The following TEX15 variants were observed in gnomAD, a reference collection of about 807,000 sequenced individuals.
TEX15 encodes the protein testis expressed 15, meiosis and synapsis associated, also known as testis-expressed protein 15.
Under a neutral mutation model 237.3 loss-of-function variants are expected in TEX15, and 171 were observed. The observed-to-expected ratio is 0.72, with a 90% confidence interval of 0.64 to 0.82. The LOEUF (loss-of-function observed/expected upper bound fraction) is 0.82. Among genes scored for constraint, TEX15 ranks in the 40% least tolerant of loss-of-function variants. TEX15 has a pLI of 0.00. For missense variants in TEX15, 3,750 were observed against 3,646.5 expected, an observed-to-expected ratio of 1.03 and a Z score of -0.73; for synonymous variants, 1,338 against 1,269.8, an observed-to-expected ratio of 1.05 and a Z score of -1.14.
rs761453699 is a variant in TEX15, at chr8:30,843,262, C to CT, written c.6904dup (p.Arg2302LysfsTer4). 1.2e-6 allele frequency: 2 copies of CT among 1,612,622 alleles called. No homozygotes were observed. Among genetic ancestry groups the CT allele is most frequent in the Non-Finnish European group, 1.7e-6 (2 of 1,179,464 alleles). On this transcript the variant is annotated frameshift_variant, in exon 8 of 11. Transcript: ENST00000643185. LOFTEE classifies it high-confidence loss of function. The stretch of plus-strand genomic sequence containing the variant: ...CTTAGAAAAGGCACATTTATTCACT[C>CT]TGAGTAGCCTTTCTTCGTCCTTCTT...
chr8:30,848,204 G>C lies in TEX15; in HGVS notation c.1963C>G (p.Pro655Ala). Reference sequence around the variant, plus strand: ...TGCAAAACAATGTAATTATCTATTGGACTGATTTTTGTTTCATTAGTGAAA... The same window carrying C: ...TGCAAAACAATGTAATTATCTATTGCACTGATTTTTGTTTCATTAGTGAAA... Reference protein sequence around the residue: ...NDFTNETKISPIDNYIVLHQE... With the variant: ...NDFTNETKISAIDNYIVLHQE... Residue 655 changes from proline (P) to alanine (A), a missense_variant, in exon 8 of 11, where the codon CCA (proline) becomes GCA (alanine). By Grantham distance (27) the Pro-to-Ala change is conservative. Coordinates refer to ENST00000643185, the MANE Select transcript of TEX15 (RefSeq NM_001350162.2). The C allele has an allele frequency of 1.2e-6, 2 of 1,612,100 alleles. No homozygotes were observed. The highest frequency in any genetic ancestry group is 1.7e-6 in the Non-Finnish European group (2 of 1,179,712).
chr8:30,849,895 T>C (rs1179450272), intron 7 of TEX15, among the ~76,000 whole-genome samples: 2 of 151,904 alleles, frequency 1.3e-5, no homozygotes, highest in African/African-American at 4.8e-5. Flanking sequence ...CAAGACTCCA[T>C]CTCGGGGGCT....
intron 3 of TEX15, 69 bp from the exon 4 acceptor site, chr8:30,875,171 T>G: frequency 9.7e-7 from 1 of 1,026,938 alleles, no homozygotes; most frequent in Non-Finnish European, 1.2e-6. Flanking sequence ...CAATGACAAC[T>G]GTATCTCTAA....
Position 30,844,123 on chromosome 8 carries a change from A to C in TEX15, c.6044T>G (p.Ile2015Ser). ...ACAAACCTTAGTTTCTTCCTGTAGA[A>C]TCTGCAAAGATGATGCTTCATCTGC... ...QRADEASSLQ[I>S]LQEETKVCLN... The change falls in exon 8 of 11, where the codon ATT (isoleucine) becomes AGT (serine). Residue 2015 changes from isoleucine to serine, a missense_variant. By Grantham distance (142) the Ile-to-Ser change is moderately radical. Coordinates refer to ENST00000643185, the MANE Select transcript of TEX15 (RefSeq NM_001350162.2). The C allele has an allele frequency of 6.2e-7, 1 of 1,613,372 alleles. No homozygotes were observed. Among genetic ancestry groups the C allele is most frequent in the Non-Finnish European group, 8.5e-7 (1 of 1,179,578 alleles).
In TEX15 at chr8:30,832,394, A is replaced by G. The variant is rs1327917686; in HGVS notation, c.*892T>C. 6.6e-6 allele frequency: 1 copy of G among 152,256 alleles called. No individual in the cohort carries two copies. The highest frequency in any genetic ancestry group is 1.5e-5 in the Non-Finnish European group (1 of 68,040). 9.4% of individuals were successfully genotyped at this position (152,256 alleles called of 1,614,324 possible). On this transcript the variant is annotated 3_prime_UTR_variant, in exon 11 of 11. Coordinates refer to ENST00000643185, the MANE Select transcript of TEX15 (RefSeq NM_001350162.2). The stretch of plus-strand genomic sequence containing the variant: ...TTACAGAAAACAGGAATAGCTGTTG[A>G]GCAAGAAAGGTAATACATGAAAAGA...
intron 6 of TEX15, 82 bp from the exon 7 acceptor site, chr8:30,858,912 A>G (rs1807974801): frequency 3.2e-6 from 3 of 940,688 alleles, no homozygotes; most frequent in Admixed American, 6.6e-5. Context: ...AATCAATATA[A>G]TTGCATATTA....
chr8:30,857,043 A>T (rs2128769990), intron 7 of TEX15, among the ~76,000 whole-genome samples: 1 of 152,328 alleles, frequency 6.6e-6, no homozygotes, highest in Admixed American at 6.5e-5. Flanking sequence ...AGGTATTAGT[A>T]TTTTTAATGA....
chr8:30,835,506 T>C (rs1193713430), intron 10 of TEX15, among the ~76,000 whole-genome samples: 1 of 152,156 alleles, frequency 6.6e-6, no homozygotes, highest in African/African-American at 2.4e-5. Context: ...CCCAGGAGTT[T>C]GAGGTTTCAG....
intron 1 of TEX15, among the ~76,000 whole-genome samples, chr8:30,902,694 A>G (rs929231958): frequency 2.0e-5 from 3 of 152,246 alleles, no homozygotes; most frequent in South Asian, 2.1e-4. Context: ...AGTGTGTATC[A>G]GAATCACCTA....
At chr8:30,862,885 T>C (rs1305706368) in intron 5 of TEX15, among the ~76,000 whole-genome samples, 1 of 152,218 alleles carries the variant, frequency 6.6e-6, no homozygotes, top group Non-Finnish European at 1.5e-5. Context: ...TTTTAAGATT[T>C]TGAATACCTT....
Position 30,867,350 on chromosome 8 carries a change from C to T in TEX15, c.455G>A (p.Gly152Glu). Residue 152 changes from glycine to glutamate, a missense_variant, in exon 5 of 11, where the codon GGA becomes GAA. Transcript: ENST00000643185. ...ATCAACATGTCTAAACATATAAATTCCAAGAAGAGGATTTCCTAGTATCTT... is the reference window on the plus strand; with the variant it reads ...ATCAACATGTCTAAACATATAAATTTCAAGAAGAGGATTTCCTAGTATCTT... ...TLKILGNPLL[G>E]IYMFRHVDIA... is the part of the protein sequence containing the mutation. 5.9e-6 allele frequency: 9 copies of T among 1,528,938 alleles called. No homozygotes were observed. Among genetic ancestry groups the T allele is most frequent in the Non-Finnish European group, 7.9e-6 (9 of 1,140,774 alleles). The allele number at this position is 1,528,938 out of a possible 1,614,324, so 94.7% of individuals were successfully genotyped here.
intron 2 of TEX15, 36 bp from the exon 3 acceptor site, chr8:30,887,347 A>C (rs1042876311): frequency 6.7e-7 from 1 of 1,491,940 alleles, no homozygotes; most frequent in African/African-American, 1.4e-5. Context: ...CAAAAAGGTC[A>C]ATAAATACAT....
At chr8:30,866,243 A>G (rs1463345415) in intron 5 of TEX15, among the ~76,000 whole-genome samples, 2 of 151,982 alleles carry the variant, frequency 1.3e-5, no homozygotes, top group African/African-American at 4.8e-5. Flanking sequence ...CCTGGGTGAC[A>G]GAGTGCGACT....
intron 5 of TEX15, among the ~76,000 whole-genome samples, chr8:30,866,457 A>G (rs1178328655): frequency 6.6e-6 from 1 of 152,142 alleles, no homozygotes; most frequent in Non-Finnish European, 1.5e-5. Flanking sequence ...TAGAAAGTAC[A>G]GAAAACTATA....
rs146709936 is a variant in TEX15, at chr8:30,879,789, T to C, written c.137-4687A>G. Among the ~76,000 whole-genome samples the C allele has an allele frequency of 3.0e-4, 46 of 152,340 alleles. No homozygotes were observed. The East Asian group carries it at 3.7e-3, about 12-fold the overall frequency. ...TCCCAGGTAAGTGTCAGAATAAGCT[T>C]GCCTACCTATGAACATCTTAGCGGG... On this transcript the variant is annotated intron_variant, in intron 3 of 10. Transcript: ENST00000643185.
At chr8:30,840,261 T>A (rs1807421442) in intron 8 of TEX15, among the ~76,000 whole-genome samples, 2 of 152,166 alleles carry the variant, frequency 1.3e-5, no homozygotes, top group East Asian at 1.9e-4. Flanking sequence ...AGTGATGCGA[T>A]ATTGGCTCAC....
chr8:30,836,987 A>G lies in TEX15; in HGVS notation c.9297T>C (p.Tyr3099=). ...CATTTGCTTGTGGCTCCCCCGCAAAATAAGTAAAATATTGAGAGTACAGAA... is the reference window on the plus strand; with the variant it reads ...CATTTGCTTGTGGCTCCCCCGCAAAGTAAGTAAAATATTGAGAGTACAGAA... ...SNLLYSQYFT[Y]FAGEPQANGF... Residue 3099 remains tyrosine, a synonymous_variant, in exon 10 of 11, where the codon TAT becomes TAC. Transcript: ENST00000643185. 1 of 1,614,138 alleles carries G rather than the reference A, an allele frequency of 6.2e-7. No homozygotes were observed. The highest frequency in any genetic ancestry group is 8.5e-7 in the Non-Finnish European group (1 of 1,180,026).
In TEX15 at chr8:30,843,326, T is replaced by C. The variant is rs745812159; in HGVS notation, c.6841A>G (p.Lys2281Glu). Residue 2281 changes from lysine to glutamate, a missense_variant, in exon 8 of 11, where the codon AAA becomes GAA. Transcript: ENST00000643185. ...TTGCTGAAGGATTGTGTTCTCTCTTTCCAAACAAGATTTTTTGCAGCATCA... is the reference window on the plus strand; with the variant it reads ...TTGCTGAAGGATTGTGTTCTCTCTTCCCAAACAAGATTTTTTGCAGCATCA... ...FFDAAKNLVW[K>E]ERTQSFSKKY... 6.2e-7 allele frequency: 1 copy of C among 1,611,760 alleles called. No individual in the cohort carries two copies. The highest frequency in any genetic ancestry group is 1.3e-5 in the African/African-American group (1 of 74,802).
At chr8:30,899,811 A>G (rs995927741) in intron 1 of TEX15, among the ~76,000 whole-genome samples, 7 of 152,212 alleles carry the variant, frequency 4.6e-5, no homozygotes, top group African/African-American at 1.7e-4. Context: ...TGGAGACAAC[A>G]GAAAACTATA....
Sources: gnomAD v4.1 joint callset for allele counts (sites outside exome capture counted in the v4.1 genomes callset) on GRCh38, gnomAD v4.1.1 for gene constraint, MANE v1.5 for transcripts, NCBI Gene and HGNC (gene_info 2026-07-23, HGNC 2026-07-21) for gene names.